Variants in GPC6 observed in about 807,000 individuals in gnomAD.
GPC6 encodes glypican 6.
Under a neutral mutation model 55.2 loss-of-function variants are expected in GPC6, and 14 were observed. The ratio of observed to expected loss-of-function variants is 0.25; its 90% CI spans 0.17 to 0.40. GPC6 has a LOEUF of 0.40. Among genes scored for constraint, GPC6 ranks in the 10% least tolerant of loss-of-function variants. The probability of loss-of-function intolerance (pLI) is 1.00; values close to 1 mark genes in which losing one functional copy is unlikely to be tolerated. For synonymous variants in GPC6, 278 were observed against 259.6 expected, an observed-to-expected ratio of 1.07 and a Z score of -0.68; for missense variants, 641 against 708.5, an observed-to-expected ratio of 0.90 and a Z score of 1.08.
intron 4 of GPC6, among the ~76,000 whole-genome samples, chr13:94,141,257 T>C (rs1272101057): frequency 1.3e-5 from 2 of 152,116 alleles, no homozygotes; most frequent in Non-Finnish European, 2.9e-5. Flanking sequence ...GATTCAGAGA[T>C]TCTTTAATTT....
At chr13:93,652,402 C>T (rs961097750) in intron 2 of GPC6, among the ~76,000 whole-genome samples, 2 of 152,144 alleles carry the variant, frequency 1.3e-5, no homozygotes, top group Non-Finnish European at 2.9e-5. Context: ...TCAACATGCA[C>T]CCATAATTAT....
intron 6 of GPC6, among the ~76,000 whole-genome samples, chr13:94,351,784 A>T (rs1878553896): frequency 1.3e-5 from 2 of 151,968 alleles, no homozygotes; most frequent in South Asian, 4.2e-4. Context: ...TACTTAAGGG[A>T]ATTGGATCCT....
chr13:93,519,400 C>T (rs949752870), intron 1 of GPC6, among the ~76,000 whole-genome samples: 1 of 151,966 alleles, frequency 6.6e-6, no homozygotes, highest in Non-Finnish European at 1.5e-5. Flanking sequence ...CACACATTAG[C>T]AATGTACAAA....
chr13:93,705,304 C>T (rs1882812377), intron 2 of GPC6, among the ~76,000 whole-genome samples: 2 of 152,028 alleles, frequency 1.3e-5, no homozygotes, highest in South Asian at 4.1e-4. Context: ...TCTGCAAACT[C>T]TTCCTGGTCC....
chr13:93,549,448 G>C (rs879498247), intron 2 of GPC6, among the ~76,000 whole-genome samples: 1 of 152,286 alleles, frequency 6.6e-6, no homozygotes, highest in African/African-American at 2.4e-5. Flanking sequence ...GTCATAAGAG[G>C]CAACATCTGA....
intron 2 of GPC6, among the ~76,000 whole-genome samples, chr13:93,814,878 C>T (rs1169557125): frequency 6.6e-6 from 1 of 152,074 alleles, no homozygotes; most frequent in African/African-American, 2.4e-5. Context: ...GATTCATTAC[C>T]ATCAGCAGTT....
intron 6 of GPC6, among the ~76,000 whole-genome samples, chr13:94,332,694 A>T (rs1195286438): frequency 6.6e-6 from 1 of 152,224 alleles, no homozygotes; most frequent in Non-Finnish European, 1.5e-5. Flanking sequence ...TTGTTGCAAG[A>T]AATAGATTAT....
At chr13:93,788,886 A>T (rs956753719) in intron 2 of GPC6, among the ~76,000 whole-genome samples, 1 of 152,154 alleles carries the variant, frequency 6.6e-6, no homozygotes, top group African/African-American at 2.4e-5. Flanking sequence ...AGAATGAATT[A>T]TAGGGGGATT....
chr13:93,921,114 A>G (rs1877544984), intron 3 of GPC6, among the ~76,000 whole-genome samples: 1 of 152,154 alleles, frequency 6.6e-6, no homozygotes, highest in Admixed American at 6.5e-5. Context: ...GCATTTTTAA[A>G]AAGTCACTCT....
intron 4 of GPC6, among the ~76,000 whole-genome samples, chr13:94,274,677 A>G (rs1892148474): frequency 6.6e-6 from 1 of 152,218 alleles, no homozygotes; most frequent in South Asian, 2.1e-4. Context: ...TTGTCTTGAA[A>G]GTTAATGACA....
At chr13:94,402,251 C>A (rs928650173) in intron 8 of GPC6, among the ~76,000 whole-genome samples, 4 of 152,092 alleles carry the variant, frequency 2.6e-5, no homozygotes, top group Admixed American at 6.6e-5. Flanking sequence ...TTTTAAAATC[C>A]TTTAAAAAGC....
intron 3 of GPC6, among the ~76,000 whole-genome samples, chr13:93,842,702 A>G (rs1423041818): frequency 6.6e-6 from 1 of 152,094 alleles, no homozygotes; most frequent in Non-Finnish European, 1.5e-5. Context: ...CAAATTACTG[A>G]GGAAATTTAA....
upstream of GPC6, among the ~76,000 whole-genome samples, chr13:93,223,040 T>TTTTTTTTC (rs1555335541): frequency 6.1e-5 from 9 of 148,652 alleles, no homozygotes; most frequent in South Asian, 8.6e-4. Flanking sequence ...TTTTTTTTTT[T>TTTTTTTTC]CAGAAATCTC....
chr13:93,264,253 A>G (rs1339604786), intron 1 of GPC6, among the ~76,000 whole-genome samples: 2 of 152,170 alleles, frequency 1.3e-5, no homozygotes, highest in East Asian at 3.8e-4. Flanking sequence ...TTAATGGTAC[A>G]CTGAAAACAA....
chr13:93,465,357 A>C (rs969396916), intron 1 of GPC6, among the ~76,000 whole-genome samples: 1 of 151,186 alleles, frequency 6.6e-6, no homozygotes, highest in South Asian at 2.1e-4. Flanking sequence ...TTTTATCTAC[A>C]TGGTAAATGT....
At chr13:94,394,575 A>G (rs1367756479) in intron 7 of GPC6, among the ~76,000 whole-genome samples, 1 of 152,216 alleles carries the variant, frequency 6.6e-6, no homozygotes, top group Admixed American at 6.5e-5. Context: ...GAGGGAAGAA[A>G]TAAATGGGCT....
At chr13:93,643,134 A>G (rs1165063461) in intron 2 of GPC6, among the ~76,000 whole-genome samples, 1 of 152,076 alleles carries the variant, frequency 6.6e-6, no homozygotes, top group Non-Finnish European at 1.5e-5. Context: ...TGTGTAAGTT[A>G]TTGTGCAATG....
chr13:94,359,589 G>T (rs188667473), intron 6 of GPC6, among the ~76,000 whole-genome samples: 2 of 151,944 alleles, frequency 1.3e-5, no homozygotes, highest in East Asian at 1.9e-4. Context: ...TAATAGAAAA[G>T]CAACCTAATA....
At chr13:93,978,835 C>G (rs750108130) in intron 3 of GPC6, among the ~76,000 whole-genome samples, 2 of 152,150 alleles carry the variant, frequency 1.3e-5, no homozygotes, top group African/African-American at 2.4e-5. Flanking sequence ...ATATTACTGA[C>G]TCCCTCACCA....
Sources: allele counts gnomAD v4.1 joint callset (sites outside exome capture counted in the v4.1 genomes callset), GRCh38; gene constraint gnomAD v4.1.1; transcripts MANE v1.5; gene names NCBI Gene and HGNC (gene_info 2026-07-23, HGNC 2026-07-21).